The following LRP5 variants were observed in gnomAD, a reference collection of about 807,000 sequenced individuals.
LRP5 encodes the protein LDL receptor related protein 5, also known as low-density lipoprotein receptor-related protein 5.
Under a neutral mutation model 154.1 loss-of-function variants are expected in LRP5, and 62 were observed. The observed-to-expected ratio is 0.40, with a 90% CI of 0.33 to 0.50. LRP5 has a LOEUF of 0.50. LRP5 is among the 20% of genes least tolerant of loss of function. The pLI is 0.55. For synonymous variants in LRP5, 966 were observed against 1,011.5 expected (o/e 0.96, Z 0.85); for missense variants, 1,915 against 2,336.7 (o/e 0.82, Z 3.72).
rs560464684 is a variant in LRP5, at chr11:68,327,089, C to T, written c.91+14284C>T. Among the ~76,000 whole-genome samples, 5 of 152,330 alleles carry T rather than the reference C, an allele frequency of 3.3e-5. No homozygotes were observed. The East Asian group carries it at 9.7e-4, about 29-fold the overall frequency. On this transcript the variant is annotated intron_variant, in intron 1 of 22. Coordinates refer to ENST00000294304, the MANE Select transcript of LRP5 (RefSeq NM_002335.4). ...CCAAGCTGTGCCGCCCGTCCCTGCC[C>T]GCCCCAGCAGGTGGGGGCCTGCGGT... is the stretch of plus-strand genomic sequence containing the variant.
the LRP5 span, among the ~76,000 whole-genome samples, chr11:68,301,897 G>A: frequency 2.0e-5 from 3 of 151,984 alleles, no homozygotes; most frequent in Non-Finnish European, 2.9e-5. Context: ...CAAAGTGCTG[G>A]GATTACAGGC....
In LRP5 at chr11:68,446,514, G is replaced by T. The variant is rs757841896; in HGVS notation, c.4567G>T (p.Ala1523Ser). The change falls in exon 22 of 23, where the codon GCC becomes TCC. Residue 1523 changes from alanine to serine, a missense_variant. Transcript: ENST00000294304. ...CATGTTCTACTCTTCAAACATTCCG[G>T]CCACTGCGAGACCGTACAGGTAGGA... ...MDMFYSSNIP[A>S]TARPYRPYII... 1.2e-5 allele frequency: 19 copies of T among 1,614,060 alleles called. No homozygotes were observed. Among genetic ancestry groups the T allele is most frequent in the Non-Finnish European group, 1.6e-5 (19 of 1,179,972 alleles).
At chr11:68,330,165 T>C (rs2098601932) in intron 1 of LRP5, among the ~76,000 whole-genome samples, 1 of 152,180 alleles carries the variant, frequency 6.6e-6, no homozygotes, top group Non-Finnish European at 1.5e-5. Flanking sequence ...GAGAGATACA[T>C]GCCTTCTGGG....
In LRP5 at chr11:68,351,764, T is replaced by C. The variant is rs144515069; in HGVS notation, c.488+3521T>C. On this transcript the variant is annotated intron_variant, in intron 2 of 22. Coordinates refer to ENST00000294304, the MANE Select transcript of LRP5 (RefSeq NM_002335.4). ...ATGAATAGTATTTGAAAGGGACGTG[T>C]GCGTAGGGGGATAAAGCAGTGCTTG... 3.9e-5 allele frequency among the ~76,000 whole-genome samples: 6 copies of C among 152,142 alleles called. No individual in the cohort carries two copies. The East Asian group carries it at 1.2e-3, about 29-fold the overall frequency.
At chr11:68,443,879 G>A (rs1237848887) in intron 21 of LRP5, among the ~76,000 whole-genome samples, 2 of 151,390 alleles carry the variant, frequency 1.3e-5, no homozygotes, top group Admixed American at 6.6e-5. Flanking sequence ...GGCTGGTCTC[G>A]AACTCGCGAC....
At chr11:68,395,178 G>A (rs2098648559) in intron 7 of LRP5, among the ~76,000 whole-genome samples, 1 of 151,820 alleles carries the variant, frequency 6.6e-6, no homozygotes, top group South Asian at 2.1e-4. Context: ...GTGCATACCT[G>A]TAATCCCAGC....
intron 15 of LRP5, 105 bp downstream of exon 15, chr11:68,425,397 G>C: frequency 8.3e-7 from 1 of 1,198,212 alleles, no homozygotes. Flanking sequence ...CCAGTGCCGC[G>C]CCAGGGGCTT....
intron 21 of LRP5, among the ~76,000 whole-genome samples, chr11:68,441,570 C>T (rs1258917719): frequency 6.6e-6 from 1 of 152,218 alleles, no homozygotes; most frequent in Non-Finnish European, 1.5e-5. Context: ...CTTCCCTGCT[C>T]CTGCTGCTGC....
intron 7 of LRP5, among the ~76,000 whole-genome samples, chr11:68,391,244 C>T (rs1179566067): frequency 1.3e-5 from 2 of 152,234 alleles, no homozygotes; most frequent in East Asian, 1.9e-4. Context: ...GTTGGGATTA[C>T]AGGCGTGAGC....
At chr11:68,445,362 A>C (rs1260982683) in intron 21 of LRP5, among the ~76,000 whole-genome samples, 1 of 152,172 alleles carries the variant, frequency 6.6e-6, no homozygotes, top group Non-Finnish European at 1.5e-5. Flanking sequence ...GGCCTCCCAA[A>C]GTGCTAGGTC....
At chr11:68,406,290 T>A (rs973199460) in intron 8 of LRP5, among the ~76,000 whole-genome samples, 4 of 152,204 alleles carry the variant, frequency 2.6e-5, no homozygotes, top group African/African-American at 9.7e-5. Flanking sequence ...GGAATAAAGC[T>A]GTGCACATTG....
intron 16 of LRP5, among the ~76,000 whole-genome samples, chr11:68,428,287 G>A (rs920919333): frequency 3.3e-5 from 5 of 151,986 alleles, no homozygotes; most frequent in South Asian, 4.2e-4. Context: ...GAGCCACCAC[G>A]CCTGGCACCA....
intron 1 of LRP5, among the ~76,000 whole-genome samples, chr11:68,322,870 G>A (rs1400817532): frequency 6.6e-6 from 1 of 152,198 alleles, no homozygotes; most frequent in Non-Finnish European, 1.5e-5. Flanking sequence ...TATTTCTGGG[G>A]TGTGGGAAAC....
chr11:68,389,590 T>TGACATTTATCGACACC (rs2098645185), intron 6 of LRP5, among the ~76,000 whole-genome samples: 4 of 128,742 alleles, frequency 3.1e-5, no homozygotes, highest in African/African-American at 1.0e-4. Flanking sequence ...CTACCAACAC[T>TGACATTTATCGACACC]GACATTTACC....
chr11:68,309,234 T>C (rs1447799360), upstream of LRP5, among the ~76,000 whole-genome samples: 1 of 135,878 alleles, frequency 7.4e-6, no homozygotes, highest in Non-Finnish European at 1.6e-5. Context: ...CATCTGGCCT[T>C]TTTTTTCTTT....
In LRP5 at chr11:68,348,226, CT is replaced by C; in HGVS notation, c.473del (p.Leu158TrpfsTer43). 1 of 1,607,350 alleles carries C rather than the reference CT, an allele frequency of 6.2e-7. No homozygotes were observed. Among genetic ancestry groups the C allele is most frequent in the Non-Finnish European group, 8.5e-7 (1 of 1,180,006 alleles). On this transcript the variant is annotated frameshift_variant, in exon 2 of 23. Coordinates refer to ENST00000294304, the MANE Select transcript of LRP5 (RefSeq NM_002335.4). LOFTEE classifies it high-confidence loss of function. ...QDLDQPRAIA[L>X]DPAHGYMYWT... ...ACCTTGACCAGCCGAGGGCCATCGC[CT>C]TGGACCCCGCTCACGGGTAAACCCT...
chr11:68,399,326 G>A (rs998854748), intron 7 of LRP5, among the ~76,000 whole-genome samples: 2 of 151,742 alleles, frequency 1.3e-5, no homozygotes, highest in African/African-American at 2.4e-5. Flanking sequence ...AGCCAAGATC[G>A]TGTCACTACA....
chr11:68,329,875 C>T lies in LRP5; in HGVS notation c.91+17070C>T, dbSNP rs149273687. Among the ~76,000 whole-genome samples the T allele has an allele frequency of 5.7e-4, 87 of 152,284 alleles. 2 individuals carry two copies. The East Asian group carries it at 0.013, about 23-fold the overall frequency. ...GCTTGGCAAGGCAGGAGGCGTGGAA[C>T]CAAGATGGTATGTAATCAGAATGCT... On this transcript the variant is annotated intron_variant, in intron 1 of 22. Transcript: ENST00000294304.
intron 5 of LRP5, among the ~76,000 whole-genome samples, chr11:68,375,036 C>T (rs1357899195): frequency 6.6e-6 from 1 of 152,242 alleles, no homozygotes; most frequent in South Asian, 2.1e-4. Flanking sequence ...AGACCAGCTC[C>T]GCAGCTCCAA....
Sources: allele counts gnomAD v4.1 joint callset (sites outside exome capture counted in the v4.1 genomes callset), GRCh38; gene constraint gnomAD v4.1.1; transcripts MANE v1.5; gene names NCBI Gene and HGNC (gene_info 2026-07-23, HGNC 2026-07-21).